GALNT9: variants seen among roughly 807,000 people sequenced by gnomAD.
GALNT9 encodes the protein GalNAc transferase 9.
In GALNT9, 47 loss-of-function variants were observed where a neutral mutation model predicts 63.1. The ratio of observed to expected loss-of-function variants is 0.75; its 90% confidence interval spans 0.59 to 0.95. GALNT9 has a LOEUF of 0.95. Among genes scored for constraint, GALNT9 ranks in the 40% least tolerant of loss-of-function variants. The pLI, the probability that GALNT9 is intolerant of heterozygous loss-of-function variation, is 0.00. For synonymous variants in GALNT9, 396 were observed against 365.7 expected, an observed-to-expected ratio of 1.08 and a Z score of -0.94; for missense variants, 829 against 874.8, an observed-to-expected ratio of 0.95 and a Z score of 0.66.
At position 132,257,706 on chromosome 12, in the gene GALNT9, G is replaced by A. The variant is rs782318389; in HGVS notation, c.942C>T (p.Asp314=). The A allele has an allele frequency of 3.1e-5, 48 of 1,549,556 alleles. No individual in the cohort carries two copies. The highest frequency in any genetic ancestry group is 4.1e-5 in the African/African-American group (3 of 72,958). ...CAGCTCACCTGATGGGTGCTGACTC[G>A]TCGCCGCGGTCCAGCCAGTCCTGCG... ...IPPQDWLDRG[D]ESAPIRTPAM... is the part of the protein sequence containing the mutation. Residue 314 remains aspartate (D), a synonymous_variant, in exon 5 of 11, where the codon GAC becomes GAT. Transcript: ENST00000328957.
At chr12:132,314,934 C>G (rs868977016) in intron 1 of GALNT9, among the ~76,000 whole-genome samples, 1 of 152,240 alleles carries the variant, frequency 6.6e-6, no homozygotes, top group Non-Finnish European at 1.5e-5. Flanking sequence ...TCTGCCGAAG[C>G]AGCGCCATCA....
intron 1 of GALNT9, among the ~76,000 whole-genome samples, chr12:132,313,020 G>A (rs894874249): frequency 3.3e-5 from 5 of 151,986 alleles, no homozygotes; most frequent in Non-Finnish European, 7.4e-5. Context: ...ACTCTATAGA[G>A]TCTCCTACTA....
chr12:132,276,151 G>A (rs539274823), intron 2 of GALNT9: 1 of 152,556 alleles, frequency 6.6e-6, no homozygotes, highest in South Asian at 2.1e-4. Context: ...CTGCTTCAAA[G>A]GCAAAGACCA....
intron 2 of GALNT9, among the ~76,000 whole-genome samples, chr12:132,270,178 A>T (rs1263051892): frequency 6.6e-6 from 1 of 152,256 alleles, no homozygotes; most frequent in East Asian, 1.9e-4. Flanking sequence ...GACTGTGGCC[A>T]AGACAGTTGT....
chr12:132,311,498 C>T (rs1390987744), intron 1 of GALNT9, among the ~76,000 whole-genome samples: 1 of 152,196 alleles, frequency 6.6e-6, no homozygotes, highest in African/African-American at 2.4e-5. Flanking sequence ...GCCTAGGCCT[C>T]GGGTTATGCC....
In GALNT9 at chr12:132,236,516, C is replaced by T. The variant is rs1314342997; in HGVS notation, c.1077+11394G>A. On this transcript the variant is annotated intron_variant, in intron 6 of 10. Coordinates refer to ENST00000328957, the MANE Select transcript of GALNT9 (RefSeq NM_001122636.2). The surrounding 1 kb of genome is among the most constrained non-coding windows in gnomAD (Gnocchi z 5.6). ...ACAGACGTGGGGGGATGGCGTCTCT[C>T]CCTCCCCCAGCCCTTTCCCCTTCCT... Among the ~76,000 whole-genome samples, 1 of 152,130 alleles carries T rather than the reference C, an allele frequency of 6.6e-6. No homozygotes were observed. The highest frequency in any genetic ancestry group is 1.5e-5 in the Non-Finnish European group (1 of 68,008).
intron 9 of GALNT9, 70 bp from the exon 10 acceptor site, chr12:132,198,029 G>C: frequency 7.6e-7 from 1 of 1,320,676 alleles, no homozygotes; most frequent in Non-Finnish European, 1.1e-6. Context: ...CTGACAGGCC[G>C]TGCGAGCTGC....
intron 1 of GALNT9, among the ~76,000 whole-genome samples, chr12:132,298,766 C>A (rs1389171974): frequency 6.8e-6 from 1 of 147,964 alleles, no homozygotes; most frequent in African/African-American, 2.5e-5. Flanking sequence ...CCTAACCCAC[C>A]CCCAACACAC....
rs1401909845 is a variant in GALNT9, at chr12:132,300,515, G to A, written c.239-14085C>T. On this transcript the variant is annotated intron_variant, in intron 1 of 10. Transcript: ENST00000328957. ...ACCACATCTAACCCATCCCTGAGAT[G>A]ACCAAGCCACTCCTGAGATAACTCA... Among the ~76,000 whole-genome samples the A allele has an allele frequency of 7.0e-4, 86 of 122,220 alleles. 2 individuals are homozygous for A. The highest frequency in any genetic ancestry group is 6.0e-3 in the Middle Eastern group (1 of 168). 80.2% of individuals were successfully genotyped at this position (122,220 alleles called of 152,430 possible).
chr12:132,311,313 C>A (rs1881803746), intron 1 of GALNT9, among the ~76,000 whole-genome samples: 1 of 152,158 alleles, frequency 6.6e-6, no homozygotes, highest in Admixed American at 6.5e-5. Context: ...GAGGGTGAAG[C>A]ACTGGGGGAC....
intron 6 of GALNT9, among the ~76,000 whole-genome samples, chr12:132,223,161 A>ACCACACAACCCACACC (rs1877538158): frequency 8.7e-5 from 1 of 11,524 alleles, no homozygotes; most frequent in Non-Finnish European, 1.5e-4. Context: ...CAACCCACAC[A>ACCACACAACCCACACC]CCACACAACC....
intron 6 of GALNT9, among the ~76,000 whole-genome samples, chr12:132,212,899 G>A (rs1433693462): frequency 2.0e-5 from 2 of 101,112 alleles, no homozygotes; most frequent in Non-Finnish European, 4.0e-5. Flanking sequence ...AACCCCACCC[G>A]GGTCTGCAGC....
At chr12:132,269,446 C>G (rs1447940967) in intron 2 of GALNT9, among the ~76,000 whole-genome samples, 3 of 151,944 alleles carry the variant, frequency 2.0e-5, no homozygotes, top group African/African-American at 7.2e-5. Context: ...CCACGGAGTC[C>G]CATTTGCGTC....
rs139495206 is a variant in GALNT9 at position 132,287,032 on chromosome 12, G to T, written c.239-602C>A. On this transcript the variant is annotated intron_variant, in intron 1 of 10. Coordinates refer to ENST00000328957, the MANE Select transcript of GALNT9 (RefSeq NM_001122636.2). Reference sequence around the variant, plus strand: ...CTTGTTCTTACGCAATTGTCCAAACGCACAGCAGGTGTGACACTGAGTGAG... The same window carrying T: ...CTTGTTCTTACGCAATTGTCCAAACTCACAGCAGGTGTGACACTGAGTGAG... 1.4e-3 allele frequency among the ~76,000 whole-genome samples: 194 copies of T among 137,098 alleles called. 1 individual carries two copies. Among genetic ancestry groups the T allele is most frequent in the African/African-American group, 5.0e-3 (184 of 37,104 alleles). The allele number at this position is 137,098 out of a possible 152,430, so 89.9% of individuals were successfully genotyped here.
intron 1 of GALNT9, among the ~76,000 whole-genome samples, chr12:132,293,510 C>T (rs1336396597): frequency 1.3e-5 from 2 of 152,336 alleles, no homozygotes; most frequent in Non-Finnish European, 2.9e-5. Flanking sequence ...TCCTGCGAGG[C>T]GTATCTCAGA....
chr12:132,200,077 G>A (rs10736915), intron 8 of GALNT9, among the ~76,000 whole-genome samples: 30,369 of 152,212 alleles, frequency 0.2, 3,084 homozygotes, highest in Middle Eastern at 0.33. Flanking sequence ...GGGAGGCTGG[G>A]GGAGAGGGGC....
chr12:132,262,518 T>C lies in GALNT9; in HGVS notation c.527A>G (p.Asn176Ser). 1 of 1,551,434 alleles carries C rather than the reference T, an allele frequency of 6.4e-7. No homozygotes were observed. Among genetic ancestry groups the C allele is most frequent in the South Asian group, 1.2e-5 (1 of 84,058 alleles). ...VILRSVHSVVNHTPSQLLKEV... is the reference protein window; with the variant it reads ...VILRSVHSVVSHTPSQLLKEV... ...CTTGAGGAGCTGGGAGGGCGTGTGG[T>C]TGACCACGCTGTGCACGGAGCGCAG... The change falls in exon 3 of 11, where the codon AAC becomes AGC. Residue 176 changes from asparagine to serine, a missense_variant. Physicochemically the swap from Asn to Ser is conservative, Grantham distance 46. Transcript: ENST00000328957.
chr12:132,293,079 C>T (rs1880922337), intron 1 of GALNT9, among the ~76,000 whole-genome samples: 1 of 151,994 alleles, frequency 6.6e-6, no homozygotes, highest in Admixed American at 6.6e-5. Flanking sequence ...AATCAGGGGG[C>T]ATTGAGCCTC....
chr12:132,286,365 T>C lies in GALNT9; in HGVS notation c.304A>G (p.Thr102Ala). Residue 102 changes from threonine to alanine, a missense_variant, in exon 2 of 11, where the codon ACC becomes GCC. Transcript: ENST00000328957. The surrounding 1 kb of genome is among the most constrained non-coding windows in gnomAD (Gnocchi z 7.4). ...GCCTCCTGGCCGTCATCACGCAGGG[T>C]GGCCGCCAAGCCACCCTGGCCCAGG... The part of the protein sequence containing the change: ...GGLGQGGLAA[T>A]LRDDGQEAEG... 6.4e-7 allele frequency: 1 copy of C among 1,550,742 alleles called. No homozygotes were observed. Among genetic ancestry groups the C allele is most frequent in the South Asian group, 1.2e-5 (1 of 84,048 alleles).
Sources: allele counts gnomAD v4.1 joint callset (sites outside exome capture counted in the v4.1 genomes callset), GRCh38; gene constraint gnomAD v4.1.1; non-coding constraint Gnocchi (gnomAD v3.1); transcripts MANE v1.5; gene names NCBI Gene and HGNC (gene_info 2026-07-23, HGNC 2026-07-21).